Variants in HIPK1 observed in about 807,000 individuals in gnomAD.
HIPK1 encodes homeodomain interacting protein kinase 1.
A neutral mutation model predicts 117.1 loss-of-function variants in HIPK1; 28 were observed. That is an observed-to-expected ratio of 0.24 (90% CI 0.18 to 0.33). The LOEUF is 0.33. HIPK1 is among the 10% of genes least tolerant of loss of function. The probability of loss-of-function intolerance (pLI) is 1.00; values close to 1 mark genes in which losing one functional copy is unlikely to be tolerated. For synonymous variants in HIPK1, 605 were observed against 562.5 expected, an observed-to-expected ratio of 1.08 and a Z score of -1.07; for missense variants, 1,122 against 1,475.1, an observed-to-expected ratio of 0.76 and a Z score of 3.92.
At chr1:113,972,621 A>G (rs936408960) in intron 15 of HIPK1, among the ~76,000 whole-genome samples, 6 of 152,194 alleles carry the variant, frequency 3.9e-5, no homozygotes, top group Non-Finnish European at 8.8e-5. Flanking sequence ...TAGTTTCCAC[A>G]TTTCAAGAGG....
intron 6 of HIPK1, 46 bp downstream of exon 6, chr1:113,956,857 G>A: frequency 1.3e-6 from 2 of 1,554,046 alleles, no homozygotes. Context: ...GTTCTTTGTT[G>A]AGTTACCGCC....
chr1:113,957,343 A>G, intron 7 of HIPK1, 57 bp downstream of exon 7: 1 of 1,421,822 alleles, frequency 7.0e-7, no homozygotes, highest in Admixed American at 1.9e-5. Flanking sequence ...ACTAGTAAGA[A>G]TACAGGGCAA....
chr1:113,971,421 C>G (rs563591489), intron 14 of HIPK1, among the ~76,000 whole-genome samples: 2 of 152,210 alleles, frequency 1.3e-5, no homozygotes, highest in Non-Finnish European at 2.9e-5. Flanking sequence ...CTTTTAAACC[C>G]TCTTGCCACT....
chr1:113,958,320 G>A, intron 8 of HIPK1, 29 bp downstream of exon 8: 3 of 1,502,322 alleles, frequency 2.0e-6, no homozygotes, highest in Non-Finnish European at 2.8e-6. Flanking sequence ...GTATCATATG[G>A]TATTGTATCA....
chr1:113,941,121 T>C lies in HIPK1; in HGVS notation c.738T>C (p.Ala246=). The part of the protein sequence containing the change: ...SILSRLSSEN[A]DEYNFVRSYE... ...TTTCCCGCCTAAGCAGTGAAAATGC[T>C]GATGAGTATAATTTTGTCCGTTCAT... The change falls in exon 2 of 16, where the codon GCT becomes GCC. Residue 246 remains alanine, a synonymous_variant. Transcript: ENST00000426820. This position sits in a 1 kb window ranked among gnomAD's most constrained non-coding sequence, Gnocchi z 4.9. The C allele has an allele frequency of 6.2e-7, 1 of 1,614,268 alleles. No individual in the cohort carries two copies. The highest frequency in any genetic ancestry group is 8.5e-7 in the Non-Finnish European group (1 of 1,180,048).
chr1:113,968,748 T>C (rs1672628330), intron 13 of HIPK1, 100 bp downstream of exon 13: 1 of 927,812 alleles, frequency 1.1e-6, no homozygotes, highest in Non-Finnish European at 1.7e-6. Flanking sequence ...CGGTGGGGCA[T>C]GGTGGCTCAC....
Position 113,929,493 on chromosome 1 carries a change from G to A in HIPK1, c.-42G>A, listed in dbSNP as rs1484368093. 4 of 1,289,250 alleles carry A rather than the reference G, an allele frequency of 3.1e-6. No individual in the cohort carries two copies. The highest frequency in any genetic ancestry group is 2.1e-4 in the Middle Eastern group (1 of 4,662). The allele number at this position is 1,289,250 out of a possible 1,614,324, so 79.9% of individuals were successfully genotyped here. On this transcript the variant is annotated 5_prime_UTR_variant, in exon 1 of 16. Transcript: ENST00000426820. ...ACTCCTACTGCAATCAGTACTATGC[G>A]ATCGTCCTAGAGAGTCCATTCAGCT...
Position 113,967,885 on chromosome 1 carries a change from G to C in HIPK1, c.2501G>C (p.Arg834Thr). The change falls in exon 12 of 16, where the codon AGA becomes ACA. Residue 834 changes from arginine to threonine, a missense_variant. Arg to Thr is a moderately conservative substitution (Grantham distance 71). Transcript: ENST00000426820. ...PLNVGVAHVV[R>T]QQQSSSLPSK... The stretch of plus-strand genomic sequence containing the variant: ...AATGTTGGTGTTGCCCATGTTGTCA[G>C]ACAACAACAATCCAGTTCCCTCCCT... 1 of 1,611,712 alleles carries C rather than the reference G, an allele frequency of 6.2e-7. No individual in the cohort carries two copies. Among genetic ancestry groups the C allele is most frequent in the Non-Finnish European group, 8.5e-7 (1 of 1,179,474 alleles).
rs1196753790 is a variant in HIPK1, at chr1:113,974,311, T to A, written c.*799T>A. 3 of 152,798 alleles carry A rather than the reference T, an allele frequency of 2.0e-5. No homozygotes were observed. Among genetic ancestry groups the A allele is most frequent in the East Asian group, 1.9e-4 (1 of 5,338 alleles). 9.5% of individuals were successfully genotyped at this position (152,798 alleles called of 1,614,324 possible). A position where few individuals can be genotyped will look rare whatever the true frequency, so the allele number is the denominator to read the frequency against. ...AAATGAAGCACCATGAATTCTTTTT[T>A]AAATTATTTTTTAAAAGTCTTTCTC... is the stretch of plus-strand genomic sequence containing the variant. On this transcript the variant is annotated 3_prime_UTR_variant, in exon 16 of 16. Coordinates refer to ENST00000426820, the MANE Select transcript of HIPK1 (RefSeq NM_198268.3).
At chr1:113,969,865 C>A in intron 13 of HIPK1, 91 bp from the exon 14 acceptor site, 1 of 1,412,342 alleles carries the variant, frequency 7.1e-7, no homozygotes, top group Non-Finnish European at 9.8e-7. Context: ...TGTGATCACT[C>A]CACTGCACTC....
In HIPK1 at chr1:113,977,862, T is replaced by C. The variant is rs906222741; in HGVS notation, c.*4350T>C. The C allele has an allele frequency of 2.6e-5, 4 of 152,672 alleles. No individual in the cohort carries two copies. Among genetic ancestry groups the C allele is most frequent in the African/African-American group, 9.6e-5 (4 of 41,454 alleles). 9.5% of individuals were successfully genotyped at this position (152,672 alleles called of 1,614,324 possible). ...AAAGGGGATCAATAAATGACATCTT[T>C]GAAAGTGGCTAAGCATATTGTATTT... On this transcript the variant is annotated 3_prime_UTR_variant, in exon 16 of 16. Transcript: ENST00000426820.
At chr1:113,965,691 GA>G (rs1672398840) in intron 10 of HIPK1, among the ~76,000 whole-genome samples, 1 of 152,116 alleles carries the variant, frequency 6.6e-6, no homozygotes, top group Non-Finnish European at 1.5e-5. Context: ...TTTATGGGTT[GA>G]ATTGATCTGA....
rs183262431 is a variant in HIPK1 at position 113,969,490 on chromosome 1, A to C, written c.2772-466A>C. Among the ~76,000 whole-genome samples the C allele has an allele frequency of 8.9e-4, 135 of 152,308 alleles. No individual in the cohort carries two copies. In the Middle Eastern group the frequency reaches 0.01, roughly 12 times the overall value. ...CAGTGAGATGTATGTGGAGCATGAGAGTAGTGCCTGATACATAAGTACCCA... is the reference window on the plus strand; with the variant it reads ...CAGTGAGATGTATGTGGAGCATGAGCGTAGTGCCTGATACATAAGTACCCA... On this transcript the variant is annotated intron_variant, in intron 13 of 15. Transcript: ENST00000426820.
intron 2 of HIPK1, among the ~76,000 whole-genome samples, chr1:113,947,898 CTT>C (rs1020444984): frequency 1.3e-4 from 20 of 152,176 alleles, no homozygotes; most frequent in Admixed American, 1.2e-3. Flanking sequence ...TGTAGATAAC[CTT>C]TTTTACTGCC....
At chr1:113,948,232 A>G (rs192983507) in intron 2 of HIPK1, among the ~76,000 whole-genome samples, 1 of 152,116 alleles carries the variant, frequency 6.6e-6, no homozygotes, top group Non-Finnish European at 1.5e-5. Flanking sequence ...CCCAAATAAT[A>G]CAAAACCCTC....
intron 1 of HIPK1, among the ~76,000 whole-genome samples, chr1:113,940,169 A>G (rs1286214016): frequency 6.6e-6 from 1 of 152,076 alleles, no homozygotes; most frequent in Non-Finnish European, 1.5e-5. Flanking sequence ...GTATGACCTG[A>G]GCAGAGTGGA....
chr1:113,961,615 A>T (rs1238472465), intron 8 of HIPK1, among the ~76,000 whole-genome samples: 1 of 152,176 alleles, frequency 6.6e-6, no homozygotes. Context: ...AAAGATTAGA[A>T]TTTTAAAAAC....
intron 5 of HIPK1, 35 bp downstream of exon 5, chr1:113,955,684 A>G (rs1206796975): frequency 1.8e-6 from 2 of 1,137,978 alleles, no homozygotes. Flanking sequence ...TCAGACATTT[A>G]TTTTTAATCA....
At position 113,969,954 on chromosome 1, in the gene HIPK1, A is replaced by C; in HGVS notation, c.2772-2A>C. 6.2e-7 allele frequency: 1 copy of C among 1,613,716 alleles called. No individual in the cohort carries two copies. The highest frequency in any genetic ancestry group is 8.5e-7 in the Non-Finnish European group (1 of 1,179,692). ...ATTTTCATGTATTTTTCTTTTCCTCAGCTCTGGACTGAAGCCAAGGTCTAA... is the reference window on the plus strand; with the variant it reads ...ATTTTCATGTATTTTTCTTTTCCTCCGCTCTGGACTGAAGCCAAGGTCTAA... On this transcript the variant is annotated splice_acceptor_variant, in intron 13 of 15. Transcript: ENST00000426820. LOFTEE classifies it high-confidence loss of function.
Sources: gnomAD v4.1 joint callset for allele counts (sites outside exome capture counted in the v4.1 genomes callset) on GRCh38, gnomAD v4.1.1 for gene constraint, Gnocchi (gnomAD v3.1) non-coding constraint, MANE v1.5 for transcripts, NCBI Gene and HGNC (gene_info 2026-07-23, HGNC 2026-07-21) for gene names.